Variants in CRYL1 observed in about 807,000 individuals in gnomAD.
CRYL1 encodes the protein lambda-crystallin homolog.
CRYL1 carries 29 observed loss-of-function variants against 36.6 expected under a neutral mutation model. The ratio of observed to expected loss-of-function variants is 0.79; its 90% CI spans 0.59 to 1.08. The LOEUF is 1.08. CRYL1 is among the 50% of genes least tolerant of loss of function. CRYL1 has a pLI of 0.00. For synonymous variants in CRYL1, 152 were observed against 151.5 expected (o/e 1.00, Z -0.02); for missense variants, 411 against 407.9 (o/e 1.01, Z -0.06).
intron 5 of CRYL1, chr13:20,426,803 T>C: frequency 1.0e-6 from 1 of 985,466 alleles, no homozygotes; most frequent in South Asian, 4.7e-5. Context: ...ACGATGAAGT[T>C]CTGGAATCTC....
intron 4 of CRYL1, among the ~76,000 whole-genome samples, chr13:20,437,845 T>C (rs1377671778): frequency 9.9e-5 from 15 of 152,198 alleles, no homozygotes; most frequent in Admixed American, 6.5e-4. Context: ...TTATTTAGAC[T>C]AGTTTTGTTT....
chr13:20,424,032 G>C (rs558325818), intron 5 of CRYL1, among the ~76,000 whole-genome samples: 6 of 152,190 alleles, frequency 3.9e-5, no homozygotes, highest in South Asian at 4.2e-4. Context: ...GATTCCGAAA[G>C]TGCTGGGATT....
At chr13:20,511,024 T>C (rs1188520165) in intron 2 of CRYL1, among the ~76,000 whole-genome samples, 1 of 152,150 alleles carries the variant, frequency 6.6e-6, no homozygotes, top group Middle Eastern at 3.2e-3. Flanking sequence ...CAGTACAGTC[T>C]ATGTGAGTGG....
intron 4 of CRYL1, among the ~76,000 whole-genome samples, chr13:20,439,170 G>A (rs1294624352): frequency 6.6e-6 from 1 of 152,098 alleles, no homozygotes; most frequent in Non-Finnish European, 1.5e-5. Flanking sequence ...TGCAAGTGAC[G>A]TATCTATACA....
chr13:20,494,154 C>G (rs942517259), intron 2 of CRYL1, among the ~76,000 whole-genome samples: 1 of 152,194 alleles, frequency 6.6e-6, no homozygotes, highest in African/African-American at 2.4e-5. Flanking sequence ...GACAACCACA[C>G]TGCCCATAAA....
intron 3 of CRYL1, among the ~76,000 whole-genome samples, chr13:20,472,085 T>G (rs1382487778): frequency 1.3e-5 from 2 of 152,102 alleles, no homozygotes; most frequent in African/African-American, 2.4e-5. Flanking sequence ...GGTCTCCAAC[T>G]CCTGACCTCA....
At position 20,481,966 on chromosome 13, in the gene CRYL1, G is replaced by T. The variant is rs779663438; in HGVS notation, c.276+7404C>A. On this transcript the variant is annotated intron_variant, in intron 3 of 7. Transcript: ENST00000298248. This position sits in a 1 kb window ranked among gnomAD's most constrained non-coding sequence, Gnocchi z 4.1. ...GAAAAAGTGTAACTCCAGTTTCCTC[G>T]CACATTCCCGAATATTCTCAGGGCT... is the stretch of plus-strand genomic sequence containing the variant. Among the ~76,000 whole-genome samples the T allele has an allele frequency of 6.6e-6, 1 of 151,990 alleles. No individual in the cohort carries two copies. The highest frequency in any genetic ancestry group is 2.4e-5 in the African/African-American group (1 of 41,362).
intron 6 of CRYL1, among the ~76,000 whole-genome samples, chr13:20,409,826 C>T (rs1469770290): frequency 2.0e-5 from 3 of 152,066 alleles, no homozygotes; most frequent in Admixed American, 2.0e-4. Flanking sequence ...ATCAAAACCA[C>T]AATGAGATAC....
chr13:20,416,815 A>C (rs970343200), intron 5 of CRYL1, among the ~76,000 whole-genome samples: 1 of 152,138 alleles, frequency 6.6e-6, no homozygotes, highest in Admixed American at 6.5e-5. Flanking sequence ...GCCCCTAACT[A>C]ACGCCTGAGA....
intron 2 of CRYL1, among the ~76,000 whole-genome samples, chr13:20,507,681 G>T (rs1038229221): frequency 1.3e-5 from 2 of 152,218 alleles, no homozygotes; most frequent in Admixed American, 6.5e-5. Flanking sequence ...CACTTTGGGA[G>T]GCCAAGGCAG....
At chr13:20,520,030 C>T (rs2034066712) in intron 1 of CRYL1, among the ~76,000 whole-genome samples, 1 of 151,970 alleles carries the variant, frequency 6.6e-6, no homozygotes, top group Admixed American at 6.6e-5. Context: ...TGTTTCAGAA[C>T]AATCCAGAGA....
At chr13:20,479,675 G>A (rs905079177) in intron 3 of CRYL1, among the ~76,000 whole-genome samples, 2 of 152,150 alleles carry the variant, frequency 1.3e-5, no homozygotes, top group Non-Finnish European at 2.9e-5. Context: ...AAAGGCTGGA[G>A]GTAAATATAT....
At chr13:20,459,026 G>C (rs1049484302) in intron 3 of CRYL1, among the ~76,000 whole-genome samples, 1 of 152,198 alleles carries the variant, frequency 6.6e-6, no homozygotes, top group Non-Finnish European at 1.5e-5. Context: ...ACAAGGTCAG[G>C]AGATCAAGAC....
At chr13:20,508,905 T>A (rs1008230801) in intron 2 of CRYL1, among the ~76,000 whole-genome samples, 3 of 141,738 alleles carry the variant, frequency 2.1e-5, no homozygotes, top group African/African-American at 8.0e-5. Context: ...ACAACAACAT[T>A]TTGGGCCAGG....
chr13:20,429,083 A>G (rs1324068736), intron 5 of CRYL1, among the ~76,000 whole-genome samples: 1 of 152,118 alleles, frequency 6.6e-6, no homozygotes, highest in Non-Finnish European at 1.5e-5. Flanking sequence ...CATTCCATTC[A>G]CTACAGTCAA....
Position 20,413,346 on chromosome 13 carries a change from T to C in CRYL1, c.675A>G (p.Ser225=), listed in dbSNP as rs776948070. 1.2e-6 allele frequency: 2 copies of C among 1,613,852 alleles called. No homozygotes were observed. Among genetic ancestry groups the C allele is most frequent in the South Asian group, 2.2e-5 (2 of 91,038 alleles). The change falls in exon 6 of 8, where the codon TCA becomes TCG. Residue 225 remains serine, a synonymous_variant. Coordinates refer to ENST00000298248, the MANE Select transcript of CRYL1 (RefSeq NM_015974.3). ...ATGCATACCGCATGCCCAACCCTTC[T>C]GACATGACAAGGTCCAGGTCACTAG... The part of the protein sequence containing the change: ...VSPSDLDLVM[S]EGLGMRYAFI...
intron 2 of CRYL1, among the ~76,000 whole-genome samples, chr13:20,504,048 A>G (rs1237637119): frequency 6.6e-6 from 1 of 152,188 alleles, no homozygotes; most frequent in Non-Finnish European, 1.5e-5. Flanking sequence ...ACAGGCCCCT[A>G]AAGATGGCGA....
rs1372800276 is a variant in CRYL1, at chr13:20,435,365, C to T, written c.439-3069G>A. Among the ~76,000 whole-genome samples the T allele has an allele frequency of 6.6e-6, 1 of 152,142 alleles. No individual in the cohort carries two copies. Among genetic ancestry groups the T allele is most frequent in the East Asian group, 1.9e-4 (1 of 5,172 alleles). ...TAGGACGCAGGGGCCAGCGACTGGG[C>T]CCCACGCAGCCCCCCAAAACAGACT... On this transcript the variant is annotated intron_variant, in intron 4 of 7. Coordinates refer to ENST00000298248, the MANE Select transcript of CRYL1 (RefSeq NM_015974.3). The surrounding 1 kb of genome is among the most constrained non-coding windows in gnomAD (Gnocchi z 4.0).
At chr13:20,423,754 T>TGTGGG (rs2031869920) in intron 5 of CRYL1, among the ~76,000 whole-genome samples, 1 of 147,520 alleles carries the variant, frequency 6.8e-6, no homozygotes, top group Non-Finnish European at 1.5e-5. Context: ...GATTCATGGG[T>TGTGGG]GTGGGGGTGT....
Sources: gnomAD v4.1 joint callset for allele counts (sites outside exome capture counted in the v4.1 genomes callset) on GRCh38, gnomAD v4.1.1 for gene constraint, Gnocchi (gnomAD v3.1) non-coding constraint, MANE v1.5 for transcripts, NCBI Gene and HGNC (gene_info 2026-07-23, HGNC 2026-07-21) for gene names.